The following ZFPM2 variants were observed in gnomAD, a reference collection of about 807,000 sequenced individuals.
ZFPM2 encodes the protein zinc finger protein, FOG family member 2.
Under a neutral mutation model 98.6 loss-of-function variants are expected in ZFPM2, and 20 were observed. The ratio of observed to expected loss-of-function variants is 0.20; its 90% CI spans 0.14 to 0.29. The LOEUF (loss-of-function observed/expected upper bound fraction) is 0.29, where lower values mean the gene tolerates loss of function less well. Among genes scored for constraint, ZFPM2 ranks in the 10% least tolerant of loss-of-function variants. The probability of loss-of-function intolerance (pLI) is 1.00; values close to 1 mark genes in which losing one functional copy is unlikely to be tolerated. For missense variants in ZFPM2, 1,310 were observed against 1,388.6 expected (o/e 0.94, Z 0.90); for synonymous variants, 518 against 502.7 (o/e 1.03, Z -0.41).
intron 6 of ZFPM2, among the ~76,000 whole-genome samples, chr8:105,789,752 T>C (rs1031599046): frequency 2.6e-5 from 4 of 152,208 alleles, no homozygotes; most frequent in African/African-American, 9.7e-5. Flanking sequence ...ACCTGTTGTT[T>C]CCTGACTTTT....
intron 5 of ZFPM2, among the ~76,000 whole-genome samples, chr8:105,674,958 G>A (rs74962804): frequency 8.7e-4 from 133 of 152,210 alleles, no homozygotes; most frequent in African/African-American, 3.0e-3. Context: ...AAATTTAATG[G>A]TGATGGATTA....
At chr8:105,551,852 A>G (rs1254080858) in intron 3 of ZFPM2, among the ~76,000 whole-genome samples, 1 of 152,122 alleles carries the variant, frequency 6.6e-6, no homozygotes, top group Non-Finnish European at 1.5e-5. Context: ...ACATGACCAT[A>G]TCTTGGTTTG....
intron 1 of ZFPM2, among the ~76,000 whole-genome samples, chr8:105,323,414 T>C (rs1812063809): frequency 6.6e-6 from 1 of 151,948 alleles, no homozygotes; most frequent in African/African-American, 2.4e-5. Context: ...ATACTTCTCA[T>C]ATTGGAGATT....
At chr8:105,533,142 A>G (rs1250628707) in intron 3 of ZFPM2, among the ~76,000 whole-genome samples, 3 of 152,198 alleles carry the variant, frequency 2.0e-5, no homozygotes, top group Non-Finnish European at 4.4e-5. Flanking sequence ...TTACATGAAA[A>G]TACAGGTAAC....
At chr8:105,637,170 A>G (rs575314997) in intron 5 of ZFPM2, among the ~76,000 whole-genome samples, 1 of 152,284 alleles carries the variant, frequency 6.6e-6, no homozygotes, top group South Asian at 2.1e-4. Flanking sequence ...CTGTGATCAT[A>G]GAGAGCTAAC....
At chr8:105,730,600 A>C (rs1391391209) in intron 5 of ZFPM2, among the ~76,000 whole-genome samples, 1 of 151,644 alleles carries the variant, frequency 6.6e-6, no homozygotes, top group Non-Finnish European at 1.5e-5. Flanking sequence ...GTGGATTGCC[A>C]CGTGTTCCTG....
Position 105,802,278 on chromosome 8 carries a change from C to T in ZFPM2, c.2196C>T (p.Thr732=). Residue 732 remains threonine (T), a synonymous_variant, in exon 8 of 8, where the codon ACC becomes ACT. Transcript: ENST00000407775. ...ASNKVPAMQR[T]MRTRKRRKMY... is the part of the protein sequence containing the mutation. ...ACAAAGTGCCTGCCATGCAGAGAAC[C>T]ATGCGCACACGCAAGCGCAGAAAGA... The T allele has an allele frequency of 6.2e-7, 1 of 1,613,844 alleles. No individual in the cohort carries two copies. Among genetic ancestry groups the T allele is most frequent in the Non-Finnish European group, 8.5e-7 (1 of 1,179,832 alleles).
intron 4 of ZFPM2, among the ~76,000 whole-genome samples, chr8:105,632,760 C>A (rs1490203200): frequency 6.6e-6 from 1 of 152,120 alleles, no homozygotes; most frequent in Non-Finnish European, 1.5e-5. Flanking sequence ...TCATGGTTAT[C>A]TTTGCCAACT....
At chr8:105,384,290 C>T (rs560192186) in intron 1 of ZFPM2, among the ~76,000 whole-genome samples, 8 of 152,086 alleles carry the variant, frequency 5.3e-5, no homozygotes, top group Non-Finnish European at 8.8e-5. Context: ...TGATGACCCA[C>T]GCAAAGCTCC....
chr8:105,509,485 T>A (rs1813770699), intron 3 of ZFPM2, among the ~76,000 whole-genome samples: 1 of 152,202 alleles, frequency 6.6e-6, no homozygotes, highest in Admixed American at 6.5e-5. Flanking sequence ...TAATGTTTTT[T>A]TGCATTTTAA....
chr8:105,410,230 C>A (rs1245226864), intron 1 of ZFPM2, among the ~76,000 whole-genome samples: 1 of 151,812 alleles, frequency 6.6e-6, no homozygotes, highest in Non-Finnish European at 1.5e-5. Flanking sequence ...GTTTCCCCCT[C>A]ACATCTTTGT....
intron 5 of ZFPM2, among the ~76,000 whole-genome samples, chr8:105,680,858 A>G (rs1810583796): frequency 6.6e-6 from 1 of 152,198 alleles, no homozygotes; most frequent in African/African-American, 2.4e-5. Context: ...AAATTATTCC[A>G]TTTATTCGTT....
intron 7 of ZFPM2, among the ~76,000 whole-genome samples, chr8:105,799,776 A>G (rs1316400008): frequency 1.3e-5 from 2 of 152,206 alleles, no homozygotes; most frequent in Non-Finnish European, 2.9e-5. Flanking sequence ...CAGCACCTAT[A>G]ATACAAACCT....
Position 105,802,644 on chromosome 8 carries a change from C to T in ZFPM2, c.2562C>T (p.His854=), listed in dbSNP as rs771156942. The T allele has an allele frequency of 4.3e-6, 7 of 1,610,884 alleles. No homozygotes were observed. In the East Asian group the frequency reaches 1.1e-4, roughly 26 times the overall value. The stretch of plus-strand genomic sequence containing the variant: ...CTCCCAAAAGGCTGCTGGACTATCA[C>T]GAGTGCACTGTGTGCAAGATCAGTT... The part of the protein sequence containing the change: ...TTSPKRLLDY[H]ECTVCKISFN... Residue 854 remains histidine, a synonymous_variant, in exon 8 of 8, where the codon CAC becomes CAT. Transcript: ENST00000407775.
intron 2 of ZFPM2, among the ~76,000 whole-genome samples, chr8:105,443,585 A>G (rs1322443337): frequency 1.3e-5 from 2 of 152,216 alleles, no homozygotes; most frequent in Non-Finnish European, 2.9e-5. Flanking sequence ...TGGTTGTATC[A>G]TTAAGGTTTC....
At chr8:105,647,493 C>T (rs1237177935) in intron 5 of ZFPM2, among the ~76,000 whole-genome samples, 3 of 151,718 alleles carry the variant, frequency 2.0e-5, no homozygotes, top group Admixed American at 1.3e-4. Context: ...TCATCATTTA[C>T]ATTAGGTATA....
chr8:105,419,052 A>T, intron 1 of ZFPM2, 92 bp from the exon 2 acceptor site: 2 of 1,214,288 alleles, frequency 1.6e-6, no homozygotes, highest in Non-Finnish European at 2.3e-6. Flanking sequence ...TATTTTTCTC[A>T]CCACTGTAAC....
intron 4 of ZFPM2, among the ~76,000 whole-genome samples, chr8:105,566,104 A>G (rs1476209675): frequency 1.3e-5 from 2 of 152,106 alleles, no homozygotes; most frequent in East Asian, 1.9e-4. Context: ...AGGCCCATTC[A>G]TATTTTGGAG....
At position 105,371,421 on chromosome 8, in the gene ZFPM2, G is replaced by C. The variant is rs574346371; in HGVS notation, c.41-47723G>C. On this transcript the variant is annotated intron_variant, in intron 1 of 7. Coordinates refer to ENST00000407775, the MANE Select transcript of ZFPM2 (RefSeq NM_012082.4). Reference sequence around the variant, plus strand: ...CTGGAAATAATGGAGGGTGGAGATAGTTACATTGTCAGCATCCAAGAACAG... The same window carrying C: ...CTGGAAATAATGGAGGGTGGAGATACTTACATTGTCAGCATCCAAGAACAG... Among the ~76,000 whole-genome samples the C allele has an allele frequency of 2.0e-5, 3 of 152,282 alleles. No homozygotes were observed. The South Asian group carries it at 6.2e-4, about 32-fold the overall frequency.
Sources: gnomAD v4.1 joint callset for allele counts (sites outside exome capture counted in the v4.1 genomes callset) on GRCh38, gnomAD v4.1.1 for gene constraint, MANE v1.5 for transcripts, NCBI Gene and HGNC (gene_info 2026-07-23, HGNC 2026-07-21) for gene names.